The following VWA8 variants were observed in gnomAD, a reference collection of about 807,000 sequenced individuals.
VWA8 encodes the protein von Willebrand factor A domain-containing protein 8.
In VWA8, 221 loss-of-function variants were observed where a neutral mutation model predicts 241.5. The observed-to-expected ratio is 0.91, with a 90% confidence interval of 0.82 to 1.02. The LOEUF is 1.02. VWA8 is among the 50% of genes least tolerant of loss of function. The pLI is 0.00. For missense variants in VWA8, 2,322 were observed against 2,328.7 expected, an observed-to-expected ratio of 1.00 and a Z score of 0.06; for synonymous variants, 852 against 827.1, an observed-to-expected ratio of 1.03 and a Z score of -0.52.
intron 34 of VWA8, among the ~76,000 whole-genome samples, chr13:41,686,079 A>T (rs2045134292): frequency 6.6e-6 from 1 of 152,146 alleles, no homozygotes; most frequent in Non-Finnish European, 1.5e-5. Context: ...AATACCACTA[A>T]CTTTTGCCCA....
intron 26 of VWA8, among the ~76,000 whole-genome samples, chr13:41,718,827 T>C (rs1184037195): frequency 1.8e-4 from 28 of 151,812 alleles, no homozygotes; most frequent in Admixed American, 1.8e-3. Flanking sequence ...GGGGCTAAAA[T>C]TGAACAGTAA....
chr13:41,631,061 T>C (rs112909713), intron 37 of VWA8, among the ~76,000 whole-genome samples: 5,030 of 152,110 alleles, frequency 0.033, 280 homozygotes, highest in African/African-American at 0.11. Context: ...ACTCTGTCAC[T>C]CAGGCTGGAG....
intron 42 of VWA8, among the ~76,000 whole-genome samples, chr13:41,578,066 A>AG (rs548422234): frequency 6.2e-4 from 95 of 152,304 alleles, no homozygotes; most frequent in African/African-American, 2.1e-3. Flanking sequence ...TATGCCTAGG[A>AG]GAAAAAAAAC....
At position 41,950,653 on chromosome 13, in the gene VWA8, T is replaced by C. The variant is rs535638941; in HGVS notation, c.164-640A>G. Among the ~76,000 whole-genome samples the C allele has an allele frequency of 1.4e-3, 195 of 134,836 alleles. 7 individuals are homozygous for C. In the South Asian group the frequency reaches 0.038, roughly 26 times the overall value. The allele number at this position is 134,836 out of a possible 152,430, so 88.5% of individuals were successfully genotyped here. ...AAAGTGCTGGGATTACAGGCATGAGTCACCACACTCAGCCTTTTTTTTTTT... is the reference window on the plus strand; with the variant it reads ...AAAGTGCTGGGATTACAGGCATGAGCCACCACACTCAGCCTTTTTTTTTTT... On this transcript the variant is annotated intron_variant, in intron 1 of 44. Coordinates refer to ENST00000379310, the MANE Select transcript of VWA8 (RefSeq NM_015058.2).
intron 14 of VWA8, among the ~76,000 whole-genome samples, chr13:41,824,814 C>T (rs1203485718): frequency 7.5e-6 from 1 of 134,106 alleles, no homozygotes; most frequent in Non-Finnish European, 1.5e-5. Context: ...GAGACCCTAT[C>T]GAAAAGAAAA....
chr13:41,595,170 C>T (rs1254091802), intron 40 of VWA8, among the ~76,000 whole-genome samples: 1 of 152,168 alleles, frequency 6.6e-6, no homozygotes, highest in Admixed American at 6.6e-5. Context: ...GTTTTGTTCA[C>T]CATCATGCAA....
intron 9 of VWA8, among the ~76,000 whole-genome samples, chr13:41,870,331 T>C (rs547709934): frequency 2.0e-5 from 3 of 152,054 alleles, no homozygotes; most frequent in Non-Finnish European, 2.9e-5. Flanking sequence ...CCCAAGTAAT[T>C]AAATTCATTA....
chr13:41,757,592 CCTT>C, intron 21 of VWA8, among the ~76,000 whole-genome samples: 1 of 151,806 alleles, frequency 6.6e-6, no homozygotes, highest in Non-Finnish European at 1.5e-5. Context: ...TTGCTCCCCT[CCTT>C]CTCTCTGCCC....
In VWA8 at chr13:41,763,036, A is replaced by C. The variant is rs138342283; in HGVS notation, c.2350-1832T>G. Among the ~76,000 whole-genome samples the C allele has an allele frequency of 6.7e-4, 102 of 152,060 alleles. 4 individuals carry two copies. The East Asian group carries it at 0.018, about 27-fold the overall frequency. On this transcript the variant is annotated intron_variant, in intron 20 of 44. Transcript: ENST00000379310. ...TAATCCCAGAGATTTGGGTGGCTTA[A>C]GTGGGAGGATCACTTGAGCCCAGGA...
At position 41,704,409 on chromosome 13, in the gene VWA8, C is replaced by T. The variant is rs900869452; in HGVS notation, c.3117-998G>A. The stretch of plus-strand genomic sequence containing the variant: ...TTTCAAATAAGGTGATTTGCCAAAA[C>T]CAACATGGCAATACTAAAGTATAAA... On this transcript the variant is annotated intron_variant, in intron 26 of 44. Transcript: ENST00000379310. 3.6e-4 allele frequency among the ~76,000 whole-genome samples: 55 copies of T among 152,022 alleles called. 1 individual carries two copies. Among genetic ancestry groups the T allele is most frequent in the Non-Finnish European group, 4.4e-5 (3 of 67,990 alleles).
chr13:41,779,688 C>T (rs903069164), intron 19 of VWA8, among the ~76,000 whole-genome samples: 38 of 152,058 alleles, frequency 2.5e-4, no homozygotes, highest in Non-Finnish European at 3.4e-4. Flanking sequence ...AAAGTCAGTG[C>T]CAATTCCAGA....
At chr13:41,892,031 A>G (rs1233992005) in intron 4 of VWA8, among the ~76,000 whole-genome samples, 1 of 152,198 alleles carries the variant, frequency 6.6e-6, no homozygotes, top group Non-Finnish European at 1.5e-5. Context: ...AGACTGTAAC[A>G]TTTGTAAACA....
chr13:41,928,848 A>C (rs535227620), intron 2 of VWA8, among the ~76,000 whole-genome samples: 2 of 152,010 alleles, frequency 1.3e-5, no homozygotes, highest in Non-Finnish European at 1.5e-5. Flanking sequence ...AAAAAAAAAG[A>C]GAAGACTCAA....
intron 36 of VWA8, among the ~76,000 whole-genome samples, 166 bp downstream of exon 36, chr13:41,675,049 G>A (rs1248582549): frequency 2.6e-5 from 4 of 151,656 alleles, no homozygotes; most frequent in Non-Finnish European, 5.9e-5. Flanking sequence ...AAAAATGCCA[G>A]GAAAACATTC....
chr13:41,726,600 CA>C (rs1249891891), intron 24 of VWA8, among the ~76,000 whole-genome samples: 5 of 152,062 alleles, frequency 3.3e-5, no homozygotes, highest in African/African-American at 1.2e-4. Flanking sequence ...TCCTAAACAA[CA>C]AAGTATAGTG....
At chr13:41,862,633 T>G (rs1873056246) in intron 12 of VWA8, among the ~76,000 whole-genome samples, 1 of 152,180 alleles carries the variant, frequency 6.6e-6, no homozygotes, top group African/African-American at 2.4e-5. Flanking sequence ...TGAATAGACA[T>G]TTCTCAAAAG....
rs1234683160 is a variant in VWA8, at chr13:41,692,945, T to C, written c.3592A>G (p.Thr1198Ala). The C allele has an allele frequency of 2.5e-6, 4 of 1,610,584 alleles. No homozygotes were observed. Among genetic ancestry groups the C allele is most frequent in the East Asian group, 2.2e-5 (1 of 44,774 alleles). ...ATGAGACGATGAAGGGCCCGGCCAGTAGTATCTAACAACAGGATAACATTA... is the reference window on the plus strand; with the variant it reads ...ATGAGACGATGAAGGGCCCGGCCAGCAGTATCTAACAACAGGATAACATTA... ...QSNVILLLDT[T>A]GRALHRLILP... Residue 1198 changes from threonine to alanine, a missense_variant, in exon 30 of 45, where the codon ACT (threonine) becomes GCT (alanine). By Grantham distance (58) the Thr-to-Ala change is moderately conservative. Transcript: ENST00000379310.
At chr13:41,683,186 T>C (rs968352046) in intron 35 of VWA8, among the ~76,000 whole-genome samples, 1 of 151,588 alleles carries the variant, frequency 6.6e-6, no homozygotes, top group Non-Finnish European at 1.5e-5. Flanking sequence ...AAAAAACCAA[T>C]AAATATGTCA....
chr13:41,617,366 G>A (rs2044627906), intron 37 of VWA8, among the ~76,000 whole-genome samples: 4 of 152,074 alleles, frequency 2.6e-5, no homozygotes, highest in African/African-American at 9.7e-5. Context: ...TGATCCACCC[G>A]CCTTGGCCTC....
Sources: allele counts gnomAD v4.1 joint callset (sites outside exome capture counted in the v4.1 genomes callset), GRCh38; gene constraint gnomAD v4.1.1; transcripts MANE v1.5; gene names NCBI Gene and HGNC (gene_info 2026-07-23, HGNC 2026-07-21).